RNF125: variants seen among roughly 807,000 people sequenced by gnomAD.
RNF125 encodes the protein ring finger protein 125.
In RNF125, 21 loss-of-function variants were observed where a neutral mutation model predicts 26.0. The ratio of observed to expected loss-of-function variants is 0.81; its 90% CI spans 0.57 to 1.16. The LOEUF (loss-of-function observed/expected upper bound fraction) is 1.16. Ranked by LOEUF, RNF125 falls within the 50% of genes most tolerant of loss-of-function variation. The pLI is 0.00. For synonymous variants in RNF125, 95 were observed against 109.2 expected, an observed-to-expected ratio of 0.87 and a Z score of 0.81; for missense variants, 270 against 299.4, an observed-to-expected ratio of 0.90 and a Z score of 0.72.
At chr18:32,019,242 C>T (rs1036458723) in intron 1 of RNF125, among the ~76,000 whole-genome samples, 3 of 152,172 alleles carry the variant, frequency 2.0e-5, no homozygotes, top group African/African-American at 7.2e-5. Context: ...ACAAGCGGGT[C>T]CTGTAGCCCC....
At chr18:32,028,345 A>C in intron 1 of RNF125, among the ~76,000 whole-genome samples, 1 of 146,428 alleles carries the variant, frequency 6.8e-6, no homozygotes, top group South Asian at 2.3e-4. Flanking sequence ...GTGGTTCATG[A>C]TAAGTTTTTT....
chr18:32,079,779 G>A, the RNF125 span, among the ~76,000 whole-genome samples: 1 of 152,140 alleles, frequency 6.6e-6, no homozygotes, highest in African/African-American at 2.4e-5. Flanking sequence ...GAGTTCTAAA[G>A]TAAAGATTTA....
chr18:32,029,873 A>G (rs73413957), intron 1 of RNF125, among the ~76,000 whole-genome samples: 3,053 of 152,136 alleles, frequency 0.02, 103 homozygotes, highest in African/African-American at 0.07. Context: ...AGACTGGGGG[A>G]AAGAGATCAG....
At chr18:32,061,447 T>C (rs148795103) in intron 4 of RNF125, among the ~76,000 whole-genome samples, 7 of 152,340 alleles carry the variant, frequency 4.6e-5, no homozygotes, top group Non-Finnish European at 8.8e-5. Context: ...ACCAAAACCA[T>C]GTCAGGTGCT....
intron 1 of RNF125, among the ~76,000 whole-genome samples, chr18:32,021,512 C>T (rs1465156291): frequency 6.6e-6 from 1 of 152,150 alleles, no homozygotes; most frequent in Non-Finnish European, 1.5e-5. Context: ...ATCCACAGGC[C>T]AGTCTGGAAG....
At chr18:32,089,828 T>C in the RNF125 span, among the ~76,000 whole-genome samples, 13 of 150,776 alleles carry the variant, frequency 8.6e-5, no homozygotes, top group African/African-American at 3.0e-4. Context: ...CAAATAAAAT[T>C]AGGGTCACAA....
At chr18:32,067,833 CAT>C (rs1244658973) in intron 5 of RNF125, among the ~76,000 whole-genome samples, 2 of 152,146 alleles carry the variant, frequency 1.3e-5, no homozygotes, top group Admixed American at 6.6e-5. Context: ...AATGTGCTGA[CAT>C]AGAATTTTGA....
intron 1 of RNF125, among the ~76,000 whole-genome samples, chr18:32,023,214 G>C (rs1044311266): frequency 6.6e-6 from 1 of 152,096 alleles, no homozygotes; most frequent in Non-Finnish European, 1.5e-5. Flanking sequence ...GGGCAGTGGC[G>C]TGATCTCAGC....
intron 3 of RNF125, among the ~76,000 whole-genome samples, chr18:32,044,967 C>T (rs550193007): frequency 6.6e-6 from 1 of 151,692 alleles, no homozygotes; most frequent in South Asian, 2.1e-4. Context: ...ATTAAAAATA[C>T]AAAAAATTAG....
intron 1 of RNF125, among the ~76,000 whole-genome samples, chr18:32,020,002 C>CTGTGTGTGTGTGTGTGTG (rs149126113): frequency 7.3e-5 from 11 of 150,008 alleles, no homozygotes; most frequent in South Asian, 4.2e-4. Flanking sequence ...TCTCTGTTTA[C>CTGTGTGTGTGTGTGTGTG]TGTGTGTGTG....
chr18:32,089,067 G>A, the RNF125 span, among the ~76,000 whole-genome samples: 3 of 152,292 alleles, frequency 2.0e-5, no homozygotes, highest in Non-Finnish European at 4.4e-5. Context: ...CATGTTGAGG[G>A]TTAAGGAATT....
intron 4 of RNF125, among the ~76,000 whole-genome samples, chr18:32,047,307 G>T (rs1244904018): frequency 6.6e-6 from 1 of 152,184 alleles, no homozygotes; most frequent in Non-Finnish European, 1.5e-5. Flanking sequence ...CAAAGGCTGG[G>T]ATTACAGGTG....
intron 3 of RNF125, among the ~76,000 whole-genome samples, chr18:32,043,134 G>A (rs2039236228): frequency 6.8e-6 from 1 of 146,820 alleles, no homozygotes; most frequent in East Asian, 1.9e-4. Flanking sequence ...GGGTGACAGA[G>A]CGAGACTCTG....
intron 4 of RNF125, among the ~76,000 whole-genome samples, chr18:32,054,086 C>CTTTTTTTTTT (rs35616121): frequency 3.4e-5 from 3 of 88,358 alleles, no homozygotes; most frequent in African/African-American, 4.7e-5. Context: ...GACATTTGTA[C>CTTTTTTTTTT]TTTTTTTTTT....
chr18:32,035,736 C>A (rs1371214494), intron 1 of RNF125, among the ~76,000 whole-genome samples: 2 of 152,170 alleles, frequency 1.3e-5, no homozygotes, highest in Non-Finnish European at 2.9e-5. Flanking sequence ...ATTAGCACCA[C>A]CAAGGATGGT....
At chr18:32,064,844 C>CCATTT (rs2039469585) in intron 4 of RNF125, among the ~76,000 whole-genome samples, 1 of 151,998 alleles carries the variant, frequency 6.6e-6, no homozygotes, top group African/African-American at 2.4e-5. Flanking sequence ...TAATTGTTGA[C>CCATTT]CTGGTAATTG....
intron 2 of RNF125, among the ~76,000 whole-genome samples, chr18:32,039,746 C>T (rs186127302): frequency 6.6e-6 from 1 of 150,856 alleles, no homozygotes; most frequent in Admixed American, 6.6e-5. Context: ...TCTGATTAAT[C>T]ACAAAGATTT....
In RNF125 at chr18:32,042,244, A is replaced by G; in HGVS notation, c.384A>G (p.Pro128=). The part of the protein sequence containing the change: ...TCQKYIDKYG[P]LQELEETAAR... ...AGAAGTACATAGATAAGTATGGACC[A>G]CTACAAGAACTTGAGGAGACAGCAG... Residue 128 remains proline, a synonymous_variant, in exon 3 of 6, where the codon CCA becomes CCG. Transcript: ENST00000217740. 1 of 1,613,012 alleles carries G rather than the reference A, an allele frequency of 6.2e-7. No individual in the cohort carries two copies. The highest frequency in any genetic ancestry group is 2.2e-5 in the East Asian group (1 of 44,838).
the RNF125 span, among the ~76,000 whole-genome samples, chr18:32,087,906 T>A: frequency 6.6e-6 from 1 of 152,162 alleles, no homozygotes; most frequent in Non-Finnish European, 1.5e-5. Flanking sequence ...AGGATAACAA[T>A]ACGAAGATCC....
Sources: allele counts gnomAD v4.1 joint callset (sites outside exome capture counted in the v4.1 genomes callset), GRCh38; gene constraint gnomAD v4.1.1; transcripts MANE v1.5; gene names NCBI Gene and HGNC (gene_info 2026-07-23, HGNC 2026-07-21).